The following SCAPER variants were observed in gnomAD, a reference collection of about 807,000 sequenced individuals.
The protein encoded by SCAPER is S-phase cyclin A associated protein in the ER, also known as S phase cyclin A-associated protein in the endoplasmic reticulum.
In SCAPER, 98 loss-of-function variants were observed where a neutral mutation model predicts 182.2. That is an observed-to-expected ratio of 0.54 (90% CI 0.46 to 0.64). SCAPER has a LOEUF of 0.64. Ranked by LOEUF, SCAPER falls within the 30% of genes least tolerant of loss-of-function variation. The probability of loss-of-function intolerance (pLI) is 0.00; values close to 1 mark genes in which losing one functional copy is unlikely to be tolerated. For synonymous variants in SCAPER, 605 were observed against 564.6 expected (o/e 1.07, Z -1.01); for missense variants, 1,432 against 1,690.0 (o/e 0.85, Z 2.68).
rs2043101939 is a variant in SCAPER, at chr15:76,383,456, G to A, written c.3468-1841C>T. Among the ~76,000 whole-genome samples the A allele has an allele frequency of 2.0e-5, 3 of 152,232 alleles. No individual in the cohort carries two copies. In the South Asian group the frequency reaches 6.2e-4, roughly 32 times the overall value. ...TGTGCACTATTTCTAGTATTTCTAA[G>A]AATACAGCCAAATGATATGACATCT... On this transcript the variant is annotated intron_variant, in intron 27 of 31. Coordinates refer to ENST00000563290, the MANE Select transcript of SCAPER (RefSeq NM_020843.4).
In SCAPER at chr15:76,903,060, C is replaced by CAAA. The variant is rs34255827; in HGVS notation, c.-60+2236_-60+2238dup. ...TGGGTGACAGAGTGAGACTCGGTTT[C>CAAA]AAAAAAAAAAAAAAGAAAGTGAAAG... On this transcript the variant is annotated intron_variant, in intron 1 of 31. Transcript: ENST00000563290. Among the ~76,000 whole-genome samples, 325 of 137,944 alleles carry CAAA rather than the reference C, an allele frequency of 2.4e-3. 2 individuals are homozygous for CAAA. The highest frequency in any genetic ancestry group is 0.022 in the South Asian group (97 of 4,390). The allele number at this position is 137,944 out of a possible 152,430, so 90.5% of individuals were successfully genotyped here.
intron 4 of SCAPER, chr15:76,855,928 C>T: frequency 1.1e-5 from 4 of 374,244 alleles, no homozygotes; most frequent in South Asian, 8.2e-5. Flanking sequence ...GGGTATATTA[C>T]CAGAGGAATA....
At chr15:76,434,738 A>T (rs539566326) in intron 25 of SCAPER, among the ~76,000 whole-genome samples, 1 of 152,344 alleles carries the variant, frequency 6.6e-6, no homozygotes, top group South Asian at 2.1e-4. Context: ...TCTAACCTGA[A>T]TTCCTCTATC....
chr15:76,696,610 TCTACATGCTTG>T (rs988936640), intron 20 of SCAPER, among the ~76,000 whole-genome samples: 2 of 152,134 alleles, frequency 1.3e-5, no homozygotes, highest in Admixed American at 6.5e-5. Context: ...TTAAATTCAT[TCTACATGCTTG>T]CTACATGCTT....
intron 5 of SCAPER, among the ~76,000 whole-genome samples, chr15:76,820,758 A>C (rs2067478787): frequency 6.6e-6 from 1 of 151,994 alleles, no homozygotes; most frequent in Non-Finnish European, 1.5e-5. Context: ...AATTTTTTAA[A>C]AAAGAAAAAA....
rs372047562 is a variant in SCAPER, at chr15:76,686,548, C to T, written c.2508+15210G>A. ...ATATACCATACTACTCAGCATTCCA[C>T]CCTTAGGTATATACCCAAGGAAAAC... On this transcript the variant is annotated intron_variant, in intron 20 of 31. Coordinates refer to ENST00000563290, the MANE Select transcript of SCAPER (RefSeq NM_020843.4). Among the ~76,000 whole-genome samples the T allele has an allele frequency of 5.3e-5, 8 of 152,048 alleles. No homozygotes were observed. In the East Asian group the frequency reaches 1.3e-3, roughly 26 times the overall value.
At chr15:76,520,698 ATACAAT>A (rs1486657461) in intron 23 of SCAPER, among the ~76,000 whole-genome samples, 6 of 152,210 alleles carry the variant, frequency 3.9e-5, no homozygotes, top group Non-Finnish European at 8.8e-5. Context: ...CATGAGGTTG[ATACAAT>A]TACTATTCCC....
At chr15:76,636,479 C>T (rs1286307924) in intron 21 of SCAPER, among the ~76,000 whole-genome samples, 1 of 151,482 alleles carries the variant, frequency 6.6e-6, no homozygotes, top group Non-Finnish European at 1.5e-5. Context: ...AAAAATCTCT[C>T]AGGTGGCCTC....
chr15:76,810,889 A>G (rs186016238), intron 5 of SCAPER, among the ~76,000 whole-genome samples: 3 of 152,232 alleles, frequency 2.0e-5, no homozygotes, highest in Non-Finnish European at 4.4e-5. Context: ...AAATGACTAA[A>G]TTATCAAAGT....
chr15:76,516,194 T>TA (rs931823514), intron 23 of SCAPER, among the ~76,000 whole-genome samples: 14 of 151,456 alleles, frequency 9.2e-5, no homozygotes, highest in South Asian at 4.2e-4. Context: ...CTTTTTTTTT[T>TA]TATATATATT....
At chr15:76,770,703 C>T (rs1029101411) in intron 10 of SCAPER, among the ~76,000 whole-genome samples, 3 of 152,034 alleles carry the variant, frequency 2.0e-5, no homozygotes, top group Non-Finnish European at 4.4e-5. Context: ...ATTTGATTCT[C>T]ACAGAATCAA....
intron 26 of SCAPER, among the ~76,000 whole-genome samples, chr15:76,427,279 AC>A (rs1374566370): frequency 1.3e-5 from 2 of 152,218 alleles, no homozygotes; most frequent in Non-Finnish European, 2.9e-5. Context: ...TGAAGAGACA[AC>A]CTGCAGAATG....
At chr15:76,833,280 C>A (rs1484856680) in intron 5 of SCAPER, among the ~76,000 whole-genome samples, 1 of 152,106 alleles carries the variant, frequency 6.6e-6, no homozygotes, top group African/African-American at 2.4e-5. Flanking sequence ...CCAAACTAAG[C>A]TTCATAAGCA....
intron 15 of SCAPER, among the ~76,000 whole-genome samples, chr15:76,751,852 G>C (rs983125011): frequency 6.6e-6 from 1 of 151,550 alleles, no homozygotes; most frequent in Non-Finnish European, 1.5e-5. Context: ...CAAAGTCACA[G>C]GCAACAAAAG....
At chr15:76,476,793 T>A (rs984012712) in intron 24 of SCAPER, among the ~76,000 whole-genome samples, 1 of 149,328 alleles carries the variant, frequency 6.7e-6, no homozygotes, top group African/African-American at 2.6e-5. Flanking sequence ...AAGTTCCCTC[T>A]CTGAGTAAAA....
intron 21 of SCAPER, among the ~76,000 whole-genome samples, chr15:76,622,726 T>G (rs2052206386): frequency 6.6e-6 from 1 of 152,184 alleles, no homozygotes; most frequent in South Asian, 2.1e-4. Context: ...CAATTATGCA[T>G]GGTGGAGTAT....
At position 76,621,748 on chromosome 15, in the gene SCAPER, A is replaced by C. The variant is rs1433270485; in HGVS notation, c.2711+16T>G. ...ATAGACTGAAGAAAAGGAGAACTAA[A>C]ATGTGGAATACTCACTTTGCTTTAT... On this transcript the variant is annotated intron_variant, in intron 22 of 31. Coordinates refer to ENST00000563290, the MANE Select transcript of SCAPER (RefSeq NM_020843.4). 1.3e-6 allele frequency: 2 copies of C among 1,595,620 alleles called. No homozygotes were observed. Among genetic ancestry groups the C allele is most frequent in the Non-Finnish European group, 1.7e-6 (2 of 1,169,614 alleles).
intron 24 of SCAPER, among the ~76,000 whole-genome samples, chr15:76,479,100 C>A (rs1222201526): frequency 2.0e-5 from 3 of 151,966 alleles, no homozygotes; most frequent in African/African-American, 7.2e-5. Flanking sequence ...GAATGTATAT[C>A]TACATAATCT....
intron 5 of SCAPER, among the ~76,000 whole-genome samples, chr15:76,833,176 C>G (rs1030029508): frequency 3.3e-5 from 5 of 152,204 alleles, no homozygotes; most frequent in African/African-American, 9.6e-5. Context: ...TACAGCAGAC[C>G]TTTCAGCAGA....
Sources: allele counts gnomAD v4.1 joint callset (sites outside exome capture counted in the v4.1 genomes callset), GRCh38; gene constraint gnomAD v4.1.1; transcripts MANE v1.5; gene names NCBI Gene and HGNC (gene_info 2026-07-23, HGNC 2026-07-21).